ZNHIT3: variants seen among roughly 807,000 people sequenced by gnomAD.
The protein encoded by ZNHIT3 is zinc finger HIT-type containing 3.
Under a neutral mutation model 19.9 loss-of-function variants are expected in ZNHIT3, and 27 were observed. The ratio of observed to expected loss-of-function variants is 1.36; its 90% CI spans 1.00 to 1.87. ZNHIT3 has a LOEUF of 1.87. ZNHIT3 is among the 40% of genes most tolerant of loss of function. The pLI is 0.00. For synonymous variants in ZNHIT3, 81 were observed against 65.7 expected, an observed-to-expected ratio of 1.23 and a Z score of -1.13; for missense variants, 215 against 185.6, an observed-to-expected ratio of 1.16 and a Z score of -0.92.
Position 36,495,337 on chromosome 17 carries a change from CTTTG to C in ZNHIT3, c.407_410del (p.Phe136TrpfsTer8), listed in dbSNP as rs751636710. The C allele has an allele frequency of 8.1e-6, 13 of 1,613,490 alleles. No homozygotes were observed. Among genetic ancestry groups the C allele is most frequent in the East Asian group, 2.2e-5 (1 of 44,848 alleles). ...CTCATGAGAGCTTACATGCAAGAGCCTTTGTTTGTGGAGTTTGCAGACTGCTGTT... is the reference window on the plus strand; with the variant it reads ...CTCATGAGAGCTTACATGCAAGAGCCTTTGTGGAGTTTGCAGACTGCTGTT... On this transcript the variant is annotated frameshift_variant, in exon 5 of 5. Coordinates refer to ENST00000617429, the MANE Select transcript of ZNHIT3 (RefSeq NM_004773.4). LOFTEE classifies it high-confidence loss of function.
At chr17:36,494,136 T>A in intron 4 of ZNHIT3, 130 bp downstream of exon 4, 1 of 658,560 alleles carries the variant, frequency 1.5e-6, no homozygotes, top group Non-Finnish European at 2.6e-6. Context: ...AGCCACATAA[T>A]CTGTAAACAT....
intron 2 of ZNHIT3, chr17:36,492,593 T>G: frequency 1.7e-6 from 1 of 571,974 alleles, no homozygotes; most frequent in Non-Finnish European, 3.1e-6. Context: ...TGGGGACAGG[T>G]TCTTGGGGTG....
Position 36,486,785 on chromosome 17 carries a change from A to G in ZNHIT3, c.86A>G (p.Tyr29Cys). 6.3e-7 allele frequency: 1 copy of G among 1,591,160 alleles called. No individual in the cohort carries two copies. Residue 29 changes from tyrosine to cysteine, a missense_variant and splice_region_variant, in exon 1 of 5, where the codon TAC (tyrosine) becomes TGC (cysteine). Transcript: ENST00000617429. ...KYRCPACRVPYCSVVCFRKHK... is the reference protein window; with the variant it reads ...KYRCPACRVPCCSVVCFRKHK... The stretch of plus-strand genomic sequence containing the variant: ...CGCTGTCCAGCCTGCCGCGTGCCCT[A>G]GTGAGCGGGGAGGTCGCGGGGTCCA...
rs376293870 is a variant in ZNHIT3 at position 36,492,678 on chromosome 17, TCCACATTCCTGGGCACCCAC to T, written c.119-128_119-109del. ...TCTCTTGCTTTGATCTCTCACTTCTTCCACATTCCTGGGCACCCACCCACATCCCTTACCCCAGACACTTG... is the reference window on the plus strand; with the variant it reads ...TCTCTTGCTTTGATCTCTCACTTCTTCCACATCCCTTACCCCAGACACTTG... On this transcript the variant is annotated intron_variant, in intron 2 of 4. Coordinates refer to ENST00000617429, the MANE Select transcript of ZNHIT3 (RefSeq NM_004773.4). The T allele has an allele frequency of 6.1e-4, 447 of 737,718 alleles. 2 individuals are homozygous for T. In the African/African-American group the frequency reaches 7.3e-3, roughly 12 times the overall value. 45.7% of individuals were successfully genotyped at this position (737,718 alleles called of 1,614,324 possible).
At chr17:36,496,411 A>AG, downstream of ZNHIT3, 1 of 1,613,826 alleles carries the variant, frequency 6.2e-7, no homozygotes, top group Non-Finnish European at 8.5e-7. Flanking sequence ...CGATCCCTAG[A>AG]GGGGAGAGAG....
Position 36,492,458 on chromosome 17 carries a change from CTG to C in ZNHIT3, c.119-353_119-352del, listed in dbSNP as rs764268340. The stretch of plus-strand genomic sequence containing the variant: ...CAGCACAGCTGGCCTTCTGTTGACT[CTG>C]TAAGTTCTTTGGTGGTTTTGCCCCT... On this transcript the variant is annotated intron_variant, in intron 2 of 4. Coordinates refer to ENST00000617429, the MANE Select transcript of ZNHIT3 (RefSeq NM_004773.4). 17 of 231,874 alleles carry C rather than the reference CTG, an allele frequency of 7.3e-5. 1 individual carries two copies. Among genetic ancestry groups the C allele is most frequent in the Middle Eastern group, 2.7e-3 (2 of 754 alleles). 14.4% of individuals were successfully genotyped at this position (231,874 alleles called of 1,614,324 possible).
At chr17:36,498,483 AG>A (rs2071208273), downstream of ZNHIT3, 2 of 1,614,006 alleles carry the variant, frequency 1.2e-6, no homozygotes, top group African/African-American at 1.3e-5. Context: ...CGAGGTGCTC[AG>A]GGAACAGGGA....
chr17:36,498,827 C>CA (rs1312799087), downstream of ZNHIT3: 2 of 593,824 alleles, frequency 3.4e-6, no homozygotes, highest in African/African-American at 1.9e-5. Flanking sequence ...ACCCAGTCTT[C>CA]TAAAGTGTAC....
At chr17:36,498,396 C>T (rs766399707), downstream of ZNHIT3, 10 of 1,614,022 alleles carry the variant, frequency 6.2e-6, no homozygotes, top group East Asian at 2.2e-4. Context: ...GCTGCCTACA[C>T]CCATAGCCGT....
chr17:36,497,830 C>T (rs2071139359), downstream of ZNHIT3: 1 of 160,378 alleles, frequency 6.2e-6, no homozygotes, highest in Admixed American at 6.1e-5. Context: ...GGTGATACAC[C>T]CGCCTCGACT....
At chr17:36,487,017 C>G in intron 2 of ZNHIT3, 51 bp downstream of exon 2, 1 of 1,599,862 alleles carries the variant, frequency 6.3e-7, no homozygotes, top group Non-Finnish European at 8.5e-7. Context: ...GGGCAGCCCC[C>G]ACGTCCAGCC....
downstream of ZNHIT3, chr17:36,498,027 G>A (rs147344164): frequency 6.9e-4 from 361 of 519,898 alleles, 2 homozygotes; most frequent in African/African-American, 6.3e-3. Context: ...AAGATTTAGA[G>A]ATGCTGAAAT....
intron 2 of ZNHIT3, among the ~76,000 whole-genome samples, chr17:36,487,842 G>T (rs2070616129): frequency 6.6e-6 from 1 of 151,634 alleles, no homozygotes; most frequent in South Asian, 2.1e-4. Flanking sequence ...GGTGGGTCAC[G>T]CCTGTAATCC....
chr17:36,487,448 AAG>A (rs2070598736), intron 2 of ZNHIT3, among the ~76,000 whole-genome samples: 1 of 152,212 alleles, frequency 6.6e-6, no homozygotes, highest in African/African-American at 2.4e-5. Flanking sequence ...AAGAGAAAAA[AAG>A]AACCAAGTAA....
In ZNHIT3 at chr17:36,495,751, A is replaced by AATTG; in HGVS notation, c.*347_*348insATTG. On this transcript the variant is annotated 3_prime_UTR_variant, in exon 5 of 5. Coordinates refer to ENST00000617429, the MANE Select transcript of ZNHIT3 (RefSeq NM_004773.4). Reference sequence around the variant, plus strand: ...GTTAATAAAATCAAAACGTGATTCTACTGTACATTGCATTATTCATAATTT... The same window carrying AATTG: ...GTTAATAAAATCAAAACGTGATTCTAATTGCTGTACATTGCATTATTCATAATTT... 1 of 1,248,138 alleles carries AATTG rather than the reference A, an allele frequency of 8.0e-7. No individual in the cohort carries two copies. Among genetic ancestry groups the AATTG allele is most frequent in the Non-Finnish European group, 1.0e-6 (1 of 997,450 alleles). The allele number at this position is 1,248,138 out of a possible 1,614,324, so 77.3% of individuals were successfully genotyped here. A position where few individuals can be genotyped will look rare whatever the true frequency, so the allele number is the denominator to read the frequency against.
At chr17:36,489,357 T>G (rs898087157) in intron 2 of ZNHIT3, 1 of 152,224 alleles carries the variant, frequency 6.6e-6, no homozygotes, top group Non-Finnish European at 1.5e-5. Context: ...AGTTTTTTTT[T>G]AGGAACCTCT....
chr17:36,498,774 A>G (rs2071234158), downstream of ZNHIT3: 6 of 603,902 alleles, frequency 9.9e-6, no homozygotes, highest in Admixed American at 1.8e-4. Context: ...GCTACTTGAA[A>G]ACAAGATAAG....
chr17:36,493,759 A>G (rs1170116442), intron 3 of ZNHIT3, among the ~76,000 whole-genome samples, 167 bp from the exon 4 acceptor site: 2 of 152,246 alleles, frequency 1.3e-5, no homozygotes, highest in East Asian at 3.9e-4. Context: ...GAGTGTTAGT[A>G]TAGTCACAGA....
chr17:36,499,110 C>T (rs1223902800), downstream of ZNHIT3: 1 of 1,610,312 alleles, frequency 6.2e-7, no homozygotes, highest in Non-Finnish European at 8.5e-7. Context: ...ATGACTGTGG[C>T]AGCTGCATGC....
Sources: gnomAD v4.1 joint callset for allele counts (sites outside exome capture counted in the v4.1 genomes callset) on GRCh38, gnomAD v4.1.1 for gene constraint, MANE v1.5 for transcripts, NCBI Gene and HGNC (gene_info 2026-07-23, HGNC 2026-07-21) for gene names.